Variants in SOS1 observed in about 807,000 individuals in gnomAD.
SOS1 encodes the protein son of sevenless homolog 1.
A neutral mutation model predicts 157.6 loss-of-function variants in SOS1; 25 were observed. That is an observed-to-expected ratio of 0.16 (90% CI 0.12 to 0.22). The LOEUF (loss-of-function observed/expected upper bound fraction) is 0.22. Among genes scored for constraint, SOS1 ranks in the 10% least tolerant of loss-of-function variants. SOS1 has a pLI of 1.00. For synonymous variants in SOS1, 528 were observed against 534.0 expected (o/e 0.99, Z 0.16); for missense variants, 1,237 against 1,599.1 (o/e 0.77, Z 3.86).
rs564066283 is a variant in SOS1 at position 39,088,675 on chromosome 2, A to G, written c.88-20922T>C. Reference sequence around the variant, plus strand: ...GAATTCTATTCCTTTCTAGGGCTGAATAGTATTCTATTACATGCATGTATA... The same window carrying G: ...GAATTCTATTCCTTTCTAGGGCTGAGTAGTATTCTATTACATGCATGTATA... On this transcript the variant is annotated intron_variant, in intron 1 of 22. Transcript: ENST00000402219. Among the ~76,000 whole-genome samples, 10 of 152,326 alleles carry G rather than the reference A, an allele frequency of 6.6e-5. No homozygotes were observed. The South Asian group carries it at 2.1e-3, about 32-fold the overall frequency.
chr2:39,117,240 G>C (rs1236971834), intron 1 of SOS1, among the ~76,000 whole-genome samples: 1 of 152,100 alleles, frequency 6.6e-6, no homozygotes, highest in Non-Finnish European at 1.5e-5. Context: ...ACGTTGGCCA[G>C]GCTGGTCTTG....
chr2:39,025,642 A>G (rs1367950266), intron 8 of SOS1, among the ~76,000 whole-genome samples: 2 of 152,034 alleles, frequency 1.3e-5, no homozygotes, highest in African/African-American at 4.8e-5. Flanking sequence ...TTACAGGCGT[A>G]AGCCACCATG....
intron 1 of SOS1, among the ~76,000 whole-genome samples, chr2:39,080,955 G>A (rs927288690): frequency 2.0e-5 from 3 of 152,120 alleles, no homozygotes; most frequent in Non-Finnish European, 2.9e-5. Context: ...GAAGGCTGAG[G>A]CAGGTGTATT....
chr2:39,078,712 A>T (rs1672101008), intron 1 of SOS1, among the ~76,000 whole-genome samples: 2 of 152,036 alleles, frequency 1.3e-5, no homozygotes, highest in Admixed American at 1.3e-4. Flanking sequence ...TATCCCCAAA[A>T]CATTCCCCCA....
intron 19 of SOS1, among the ~76,000 whole-genome samples, chr2:38,995,666 G>A (rs1208937712): frequency 6.6e-6 from 1 of 152,114 alleles, no homozygotes; most frequent in East Asian, 1.9e-4. Context: ...TTGGGTAGAA[G>A]TTTTTCTAAA....
At chr2:39,053,162 AAAAG>A (rs957964784) in intron 5 of SOS1, among the ~76,000 whole-genome samples, 4 of 152,220 alleles carry the variant, frequency 2.6e-5, no homozygotes, top group African/African-American at 7.2e-5. Context: ...CAAGAAAAAA[AAAAG>A]AGAGAGAACC....
rs200794965 is a variant in SOS1 at position 39,013,471 on chromosome 2, C to G, written c.2156G>C (p.Gly719Ala). 8.5e-5 allele frequency: 137 copies of G among 1,604,194 alleles called. No individual in the cohort carries two copies. Among genetic ancestry groups the G allele is most frequent in the Non-Finnish European group, 9.6e-5 (113 of 1,171,558 alleles). ...AAAAAAAAACATACCTCTTACTGTTCCAATAAATTCTTCCATTCGTTGCAA... is the reference window on the plus strand; with the variant it reads ...AAAAAAAAACATACCTCTTACTGTTGCAATAAATTCTTCCATTCGTTGCAA... Reference protein sequence around the residue: ...YLLQRMEEFIGTVRGKAMKKW... With the variant: ...YLLQRMEEFIATVRGKAMKKW... Residue 719 changes from glycine (G) to alanine (A), a missense_variant, in exon 13 of 23, where the codon GGA (glycine) becomes GCA (alanine). Coordinates refer to ENST00000402219, the MANE Select transcript of SOS1 (RefSeq NM_005633.4).
At chr2:39,114,740 G>T (rs893901159) in intron 1 of SOS1, among the ~76,000 whole-genome samples, 2 of 152,146 alleles carry the variant, frequency 1.3e-5, no homozygotes, top group South Asian at 4.1e-4. Context: ...GGGATTACAG[G>T]CGTGCACCAC....
At chr2:39,091,205 C>T (rs1029681254) in intron 1 of SOS1, among the ~76,000 whole-genome samples, 3 of 152,062 alleles carry the variant, frequency 2.0e-5, no homozygotes, top group Non-Finnish European at 2.9e-5. Context: ...TCAGGTGGGA[C>T]CAACACTGCT....
chr2:38,985,477 C>A lies in SOS1; in HGVS notation c.*347G>T. On this transcript the variant is annotated 3_prime_UTR_variant, in exon 23 of 23. Transcript: ENST00000402219. The stretch of plus-strand genomic sequence containing the variant: ...TTACAAAAACTGTCATGTGGGCCTG[C>A]TGGACACTAGACTGTGTTTTCCATC... 4.8e-6 allele frequency: 1 copy of A among 207,280 alleles called. No homozygotes were observed. Among genetic ancestry groups the A allele is most frequent in the Non-Finnish European group, 9.9e-6 (1 of 100,680 alleles). The allele number at this position is 207,280 out of a possible 1,614,324, so 12.8% of individuals were successfully genotyped here.
At chr2:39,065,997 A>G in intron 2 of SOS1, among the ~76,000 whole-genome samples, 1 of 152,200 alleles carries the variant, frequency 6.6e-6, no homozygotes, top group Non-Finnish European at 1.5e-5. Flanking sequence ...ATCAGCTATT[A>G]TCACATTTCA....
intron 6 of SOS1, among the ~76,000 whole-genome samples, chr2:39,045,623 A>T (rs1208128147): frequency 6.6e-6 from 1 of 152,106 alleles, no homozygotes; most frequent in African/African-American, 2.4e-5. Context: ...TTATGTTATG[A>T]TATTTCATCC....
At chr2:38,988,818 T>C (rs368090660) in intron 21 of SOS1, among the ~76,000 whole-genome samples, 8 of 152,132 alleles carry the variant, frequency 5.3e-5, no homozygotes, top group South Asian at 2.1e-4. Flanking sequence ...ATTACAATTA[T>C]AAGAAAGTTC....
intron 3 of SOS1, 58 bp from the exon 4 acceptor site, chr2:39,056,924 G>A: frequency 8.3e-7 from 1 of 1,202,758 alleles, no homozygotes; most frequent in Non-Finnish European, 1.2e-6. Flanking sequence ...TTAACACACT[G>A]ATTAAAAATA....
intron 6 of SOS1, among the ~76,000 whole-genome samples, chr2:39,047,417 T>A (rs1258790961): frequency 6.6e-6 from 1 of 152,152 alleles, no homozygotes; most frequent in Admixed American, 6.5e-5. Flanking sequence ...ATTGTATACT[T>A]AGCTCTAGTA....
chr2:39,122,355 A>C (rs1044849555), upstream of SOS1, among the ~76,000 whole-genome samples: 22 of 152,096 alleles, frequency 1.4e-4, no homozygotes, highest in East Asian at 3.5e-3. Flanking sequence ...GCTTGAACCC[A>C]GGAGGCAGAG....
At position 39,004,200 on chromosome 2, in the gene SOS1, A is replaced by G. The variant is rs573218106; in HGVS notation, c.2791+2212T>C. 1.3e-3 allele frequency among the ~76,000 whole-genome samples: 197 copies of G among 152,076 alleles called. 2 individuals are homozygous for G. Among genetic ancestry groups the G allele is most frequent in the Non-Finnish European group, 1.0e-3 (68 of 67,946 alleles). On this transcript the variant is annotated intron_variant, in intron 17 of 22. Transcript: ENST00000402219. The stretch of plus-strand genomic sequence containing the variant: ...GGAGGCCAAGGTGGGCGGATCATGA[A>G]GTCAGGAGATCAAGACCATCTTGGC...
chr2:39,092,273 C>G (rs575548219), intron 1 of SOS1, among the ~76,000 whole-genome samples: 35 of 152,160 alleles, frequency 2.3e-4, no homozygotes, highest in African/African-American at 7.9e-4. Flanking sequence ...GATCATGGCT[C>G]ACTGCACATA....
intron 13 of SOS1, among the ~76,000 whole-genome samples, chr2:39,013,080 G>A (rs1669521808): frequency 6.6e-6 from 1 of 152,098 alleles, no homozygotes; most frequent in African/African-American, 2.4e-5. Context: ...TAGACATAGA[G>A]TCTCAATTTA....
Sources: gnomAD v4.1 joint callset for allele counts (sites outside exome capture counted in the v4.1 genomes callset) on GRCh38, gnomAD v4.1.1 for gene constraint, MANE v1.5 for transcripts, NCBI Gene and HGNC (gene_info 2026-07-23, HGNC 2026-07-21) for gene names.